The following DMD variants were observed in gnomAD, a reference collection of about 807,000 sequenced individuals.
DMD encodes dystrophin.
A neutral mutation model predicts 330.1 loss-of-function variants in DMD; 63 were observed. That is an observed-to-expected ratio of 0.19 (90% CI 0.16 to 0.24). The LOEUF is 0.24. Ranked by LOEUF, DMD falls within the 10% of genes least tolerant of loss-of-function variation. DMD has a pLI of 1.00. For synonymous variants in DMD, 1,223 were observed against 959.8 expected, an observed-to-expected ratio of 1.27 and a Z score of -5.07; for missense variants, 3,344 against 2,684.1, an observed-to-expected ratio of 1.25 and a Z score of -5.43.
chrX:32,721,458 A>G (rs2066301736), intron 7 of DMD, among the ~76,000 whole-genome samples: 1 of 109,895 alleles, frequency 9.1e-6, no homozygotes, highest in Non-Finnish European at 1.9e-5. Flanking sequence ...TAATAGTGAT[A>G]TTGAGCACGT....
intron 41 of DMD, among the ~76,000 whole-genome samples, chrX:32,336,031 T>TG (rs1388092268): frequency 9.7e-6 from 1 of 103,367 alleles, no homozygotes; most frequent in Non-Finnish European, 2.0e-5. Flanking sequence ...ATATATAACG[T>TG]TATATATAAC....
intron 31 of DMD, 91 bp downstream of exon 31, chrX:32,389,980 T>A (rs755671689): frequency 1.4e-6 from 1 of 739,432 alleles, no homozygotes; most frequent in Non-Finnish European, 2.1e-6. Flanking sequence ...TGTCCTCAAA[T>A]CCAATCTTGC....
At chrX:31,224,052 G>A (rs1285573207) in intron 63 of DMD, among the ~76,000 whole-genome samples, 1 of 111,443 alleles carries the variant, frequency 9.0e-6, no homozygotes, top group Non-Finnish European at 1.9e-5. Flanking sequence ...TCTTACTCAA[G>A]TCTGCACAAG....
intron 1 of DMD, among the ~76,000 whole-genome samples, chrX:33,073,997 C>T (rs909334860): frequency 4.5e-5 from 5 of 111,438 alleles, no homozygotes; most frequent in African/African-American, 1.6e-4. Flanking sequence ...AAACTAAATA[C>T]GGCCTGAGAA....
chrX:32,011,173 C>G (rs1453506766), intron 44 of DMD, among the ~76,000 whole-genome samples: 1 of 112,018 alleles, frequency 8.9e-6, no homozygotes, highest in Admixed American at 9.5e-5. Context: ...TGTGACAGAT[C>G]AAGTCAATAT....
At chrX:32,394,386 C>T (rs946522510) in intron 30 of DMD, among the ~76,000 whole-genome samples, 19 of 111,970 alleles carry the variant, frequency 1.7e-4, no homozygotes, top group African/African-American at 5.8e-4. Context: ...AAAGCATCAA[C>T]ATGTTCTGAA....
At chrX:31,654,017 TA>T (rs959785105) in intron 54 of DMD, among the ~76,000 whole-genome samples, 8 of 111,661 alleles carry the variant, frequency 7.2e-5, no homozygotes, top group African/African-American at 2.3e-4. Flanking sequence ...AAATGGCAAG[TA>T]AAAATGATCA....
chrX:31,295,345 T>C (rs1360689139), intron 62 of DMD, among the ~76,000 whole-genome samples: 5 of 111,256 alleles, frequency 4.5e-5, no homozygotes, highest in Non-Finnish European at 9.4e-5. Context: ...GCATTTTTTT[T>C]TCATATAACA....
chrX:31,984,301 G>A (rs2095495820), intron 44 of DMD, among the ~76,000 whole-genome samples: 1 of 112,080 alleles, frequency 8.9e-6, no homozygotes. Context: ...GAGGACAACA[G>A]CATCCCTAGA....
intron 60 of DMD, among the ~76,000 whole-genome samples, chrX:31,362,949 C>CA (rs2059020916): frequency 8.9e-6 from 1 of 111,756 alleles, no homozygotes; most frequent in Non-Finnish European, 1.9e-5. Flanking sequence ...GACACCGTCT[C>CA]AAAAAACAAA....
chrX:33,322,625 G>A (rs191373332), intron 1 of DMD, among the ~76,000 whole-genome samples: 99 of 111,476 alleles, frequency 8.9e-4, no homozygotes, highest in Admixed American at 6.5e-3. Context: ...TGCTTTCAGT[G>A]TTACTAAGTG....
chrX:31,565,420 A>G (rs182353696), intron 55 of DMD, among the ~76,000 whole-genome samples: 10 of 112,143 alleles, frequency 8.9e-5, no homozygotes, highest in Admixed American at 6.6e-4. Flanking sequence ...AGCTGTTTTT[A>G]CTCAGCATAA....
chrX:31,499,604 G>A (rs2070231563), intron 56 of DMD, among the ~76,000 whole-genome samples: 1 of 106,353 alleles, frequency 9.4e-6, no homozygotes, highest in Non-Finnish European at 1.9e-5. Flanking sequence ...CAATTCTCCT[G>A]CATCAGCCTC....
intron 50 of DMD, among the ~76,000 whole-genome samples, chrX:31,813,861 C>A (rs1429500085): frequency 9.0e-6 from 1 of 111,505 alleles, no homozygotes; most frequent in African/African-American, 3.3e-5. Flanking sequence ...AAATGGGTAG[C>A]CCACTAAGGG....
rs574011821 is a variant in DMD at position 32,846,613 on chromosome X, C to A, written c.187-1753G>T. On this transcript the variant is annotated intron_variant, in intron 3 of 78. Transcript: ENST00000357033. ...GGCTAACCTTATGAACCAGAATCTC[C>A]ATTTTTACCTCTTAGATTTTCCTCC... Among the ~76,000 whole-genome samples the A allele has an allele frequency of 1.5e-4, 16 of 108,693 alleles. 2 individuals carry two copies. The South Asian group carries it at 6.5e-3, about 44-fold the overall frequency. 94.4% of individuals were successfully genotyped at this position (108,693 alleles called of 115,157 possible).
chrX:33,219,274 C>T (rs2052116530), intron 1 of DMD, among the ~76,000 whole-genome samples: 1 of 105,836 alleles, frequency 9.4e-6, no homozygotes, highest in African/African-American at 3.4e-5. Flanking sequence ...CCTGGTTCCC[C>T]ACTCCATCTA....
At chrX:32,603,195 G>A (rs2056376716) in intron 12 of DMD, among the ~76,000 whole-genome samples, 1 of 111,043 alleles carries the variant, frequency 9.0e-6, no homozygotes, top group Non-Finnish European at 1.9e-5. Flanking sequence ...AAAAAAACTA[G>A]AAATGAGTAC....
At chrX:31,614,576 A>G (rs185180044) in intron 55 of DMD, among the ~76,000 whole-genome samples, 1 of 111,927 alleles carries the variant, frequency 8.9e-6, no homozygotes, top group East Asian at 2.8e-4. Context: ...CTATCAAGAA[A>G]CAGACATTCT....
chrX:31,251,036 C>T (rs747969432), intron 63 of DMD, among the ~76,000 whole-genome samples: 2 of 109,221 alleles, frequency 1.8e-5, no homozygotes, highest in Admixed American at 9.8e-5. Context: ...GAGCTAAAAT[C>T]GCACCACTGC....
Sources: allele counts gnomAD v4.1 joint callset (sites outside exome capture counted in the v4.1 genomes callset), GRCh38; gene constraint gnomAD v4.1.1; transcripts MANE v1.5; gene names NCBI Gene and HGNC (gene_info 2026-07-23, HGNC 2026-07-21).